KCTD19: variants seen among roughly 807,000 people sequenced by gnomAD.
KCTD19 encodes BTB/POZ domain-containing protein KCTD19.
In KCTD19, 67 loss-of-function variants were observed where a neutral mutation model predicts 103.5. The observed-to-expected ratio is 0.65, with a 90% CI of 0.53 to 0.79. The LOEUF (loss-of-function observed/expected upper bound fraction) is 0.79, where lower values mean the gene tolerates loss of function less well. Ranked by LOEUF, KCTD19 falls within the 30% of genes least tolerant of loss-of-function variation. The pLI, the probability that KCTD19 is intolerant of heterozygous loss-of-function variation, is 0.00. For synonymous variants in KCTD19, 439 were observed against 452.2 expected (o/e 0.97, Z 0.37); for missense variants, 980 against 1,136.1 (o/e 0.86, Z 1.98).
rs2037096812 is a variant in KCTD19 at position 67,323,417 on chromosome 16, GA to G, written c.4-2533del. Among the ~76,000 whole-genome samples, 1 of 152,218 alleles carries G rather than the reference GA, an allele frequency of 6.6e-6. No individual in the cohort carries two copies. Among genetic ancestry groups the G allele is most frequent in the Non-Finnish European group, 1.5e-5 (1 of 68,036 alleles). On this transcript the variant is annotated intron_variant, in intron 1 of 15. Coordinates refer to ENST00000304372, the MANE Select transcript of KCTD19 (RefSeq NM_001100915.3). This position sits in a 1 kb window ranked among gnomAD's most constrained non-coding sequence, Gnocchi z 4.1. ...TTGTGCTTGTAATCCCAGCACTTTG[GA>G]AGGCTGAGGCAGGAGATTCACTTGA...
In KCTD19 at chr16:67,293,770, C is replaced by T. The variant is rs552329466; in HGVS notation, c.1992G>A (p.Glu664=). Residue 664 remains glutamate, a synonymous_variant, in exon 12 of 16, where the codon GAG becomes GAA. Transcript: ENST00000304372. The surrounding 1 kb of genome is among the most constrained non-coding windows in gnomAD (Gnocchi z 4.0). Reference sequence around the variant, plus strand: ...CCAAGGGGAGCTGCAGGGTGGCCTCCTCCAAGGGGCTGCTCCGTGTGGCTG... The same window carrying T: ...CCAAGGGGAGCTGCAGGGTGGCCTCTTCCAAGGGGCTGCTCCGTGTGGCTG... ...PLTATRSSPL[E]EATLQLPLGS... The T allele has an allele frequency of 2.5e-5, 41 of 1,613,910 alleles. No individual in the cohort carries two copies. The South Asian group carries it at 4.1e-4, about 16-fold the overall frequency.
intron 2 of KCTD19, among the ~76,000 whole-genome samples, chr16:67,305,192 A>G (rs941017394): frequency 1.3e-5 from 2 of 151,982 alleles, no homozygotes; most frequent in Non-Finnish European, 2.9e-5. Context: ...TTCTGCTATC[A>G]TTTTCCTTCA....
chr16:67,314,830 T>TATAGAGAGAGAGAGAGAGAG (rs1430877802), intron 2 of KCTD19, among the ~76,000 whole-genome samples: 1 of 33,654 alleles, frequency 3.0e-5, no homozygotes, highest in African/African-American at 2.1e-4. Context: ...TATATATATA[T>TATAGAGAGAGAGAGAGAGAG]AGAGAGAGAG....
chr16:67,313,362 G>A (rs1159259874), intron 2 of KCTD19, among the ~76,000 whole-genome samples: 1 of 152,014 alleles, frequency 6.6e-6, no homozygotes, highest in Non-Finnish European at 1.5e-5. Flanking sequence ...TGCCCGCCTT[G>A]GCCTCCCAAA....
Position 67,295,415 on chromosome 16 carries a change from G to A in KCTD19, c.1249-10C>T. ...ACAGCAGTTCTGGATACTGGAGGGG[G>A]TTGGACACCGGACTCAGTCTCAGAG... On this transcript the variant is annotated splice_polypyrimidine_tract_variant and intron_variant, in intron 8 of 15. Coordinates refer to ENST00000304372, the MANE Select transcript of KCTD19 (RefSeq NM_001100915.3). The A allele has an allele frequency of 1.2e-6, 2 of 1,606,770 alleles. No individual in the cohort carries two copies. Among genetic ancestry groups the A allele is most frequent in the Non-Finnish European group, 8.5e-7 (1 of 1,174,830 alleles).
chr16:67,312,436 T>C (rs1228539612), intron 2 of KCTD19, among the ~76,000 whole-genome samples: 1 of 152,194 alleles, frequency 6.6e-6, no homozygotes, highest in Non-Finnish European at 1.5e-5. Context: ...GTATTTCCCC[T>C]ATAAACAATA....
rs1297765855 is a variant in KCTD19 at position 67,293,949 on chromosome 16, G to A, written c.1813C>T (p.Pro605Ser). Residue 605 changes from proline (P) to serine (S), a missense_variant, in exon 12 of 16, where the codon CCT becomes TCT. Pro to Ser is a moderately conservative substitution (Grantham distance 74). Transcript: ENST00000304372. This position sits in a 1 kb window ranked among gnomAD's most constrained non-coding sequence, Gnocchi z 4.0. ...CTNPGHWGSH[P>S]ESPPKKKCTT... Reference sequence around the variant, plus strand: ...CATTTCTTCTTTGGGGGGCTCTCAGGGTGGCTCCCCCAGTGTCCAGGATTG... The same window carrying A: ...CATTTCTTCTTTGGGGGGCTCTCAGAGTGGCTCCCCCAGTGTCCAGGATTG... 1 of 1,614,120 alleles carries A rather than the reference G, an allele frequency of 6.2e-7. No homozygotes were observed. Among genetic ancestry groups the A allele is most frequent in the Admixed American group, 1.7e-5 (1 of 60,010 alleles).
At chr16:67,325,191 C>CT (rs1567456732) in intron 1 of KCTD19, among the ~76,000 whole-genome samples, 6 of 128,140 alleles carry the variant, frequency 4.7e-5, no homozygotes, top group African/African-American at 9.0e-5. Context: ...TCTTTTTTTT[C>CT]TTTTTTTCTT....
chr16:67,318,669 T>C (rs1296004480), intron 2 of KCTD19, among the ~76,000 whole-genome samples: 1 of 152,096 alleles, frequency 6.6e-6, no homozygotes, highest in Non-Finnish European at 1.5e-5. Flanking sequence ...AATAGGCTTG[T>C]ATTCTTTAAC....
rs2036855221 is a variant in KCTD19, at chr16:67,303,164, T to C, written c.625A>G (p.Ser209Gly). 12 of 1,379,948 alleles carry C rather than the reference T, an allele frequency of 8.7e-6. No individual in the cohort carries two copies. The highest frequency in any genetic ancestry group is 1.2e-5 in the Non-Finnish European group (12 of 1,035,690). 85.5% of individuals were successfully genotyped at this position (1,379,948 alleles called of 1,614,324 possible). A position where few individuals can be genotyped will look rare whatever the true frequency, so the allele number is the denominator to read the frequency against. ...ETVALIECEC[S>G]EFRFIVNFLR... ...CAATCACCAATGAAGCGGAACTCGC[T>C]GCACTCGCACTCGATGAGGGCCACC... Residue 209 changes from serine (S) to glycine (G), a missense_variant, in exon 4 of 16, where the codon AGC becomes GGC. Transcript: ENST00000304372. The surrounding 1 kb of genome is among the most constrained non-coding windows in gnomAD (Gnocchi z 4.3).
chr16:67,308,974 T>A (rs1350197334), intron 2 of KCTD19, among the ~76,000 whole-genome samples: 1 of 151,138 alleles, frequency 6.6e-6, no homozygotes, highest in African/African-American at 2.4e-5. Context: ...CTCTACTAAA[T>A]ATACAAAAAA....
At chr16:67,295,761 T>C (rs1215807490) in intron 8 of KCTD19, 1 of 321,828 alleles carries the variant, frequency 3.1e-6, no homozygotes, top group Non-Finnish European at 5.9e-6. Context: ...GTTTTGTTTT[T>C]TGAGGCAGAG....
chr16:67,320,367 C>T lies in KCTD19; in HGVS notation c.300+222G>A, dbSNP rs914872811. Among the ~76,000 whole-genome samples, 2 of 151,810 alleles carry T rather than the reference C, an allele frequency of 1.3e-5. No individual in the cohort carries two copies. The highest frequency in any genetic ancestry group is 2.1e-4 in the South Asian group (1 of 4,818). ...TGTGATTGCAGCAGACACCCTGTCT[C>T]GAAAAAACAAAAGCAGGTAATTTCA... On this transcript the variant is annotated intron_variant, in intron 2 of 15. Coordinates refer to ENST00000304372, the MANE Select transcript of KCTD19 (RefSeq NM_001100915.3). The surrounding 1 kb of genome is among the most constrained non-coding windows in gnomAD (Gnocchi z 4.0).
At chr16:67,325,207 C>CTTTTTTTTTTTTTTTTTTT (rs10695930) in intron 1 of KCTD19, among the ~76,000 whole-genome samples, 2 of 113,172 alleles carry the variant, frequency 1.8e-5, no homozygotes, top group Admixed American at 8.8e-5. Context: ...TTCTTTTTTT[C>CTTTTTTTTTTTTTTTTTTT]TTTTTTTTTT....
intron 5 of KCTD19, 51 bp from the exon 6 acceptor site, chr16:67,299,624 G>T: frequency 6.6e-7 from 1 of 1,524,580 alleles, no homozygotes; most frequent in Non-Finnish European, 9.0e-7. Flanking sequence ...GTCATAGCTG[G>T]ATTGGAGGCT....
chr16:67,290,368 C>G (rs962594858), intron 15 of KCTD19, among the ~76,000 whole-genome samples: 1 of 151,800 alleles, frequency 6.6e-6, no homozygotes, highest in Non-Finnish European at 1.5e-5. Context: ...TCAGTAGAGA[C>G]GGGGTTTCAC....
In KCTD19 at chr16:67,303,262, A is replaced by C. The variant is rs1278797429; in HGVS notation, c.527T>G (p.Phe176Cys). ...LDTEEEVHYC[F>C]LPLDLVAKYP... ...TTTGGCCACCAGGTCTAGGGGCAGG[A>C]AGCAGTAGTGCACCTCCTCTTCTGT... Residue 176 changes from phenylalanine (F) to cysteine (C), a missense_variant, in exon 4 of 16, where the codon TTC becomes TGC. Physicochemically the swap from Phe to Cys is radical, Grantham distance 205 (BLOSUM62 -2). Coordinates refer to ENST00000304372, the MANE Select transcript of KCTD19 (RefSeq NM_001100915.3). The surrounding 1 kb of genome is among the most constrained non-coding windows in gnomAD (Gnocchi z 4.3). The C allele has an allele frequency of 1.2e-6, 2 of 1,614,146 alleles. No homozygotes were observed. Among genetic ancestry groups the C allele is most frequent in the Non-Finnish European group, 1.7e-6 (2 of 1,180,010 alleles).
intron 1 of KCTD19, among the ~76,000 whole-genome samples, chr16:67,326,312 A>C (rs914071827): frequency 1.1e-4 from 17 of 151,674 alleles, no homozygotes; most frequent in Admixed American, 2.0e-4. Flanking sequence ...CCAACCTTTC[A>C]GATCTGGAGC....
intron 2 of KCTD19, among the ~76,000 whole-genome samples, chr16:67,314,830 T>TATATATAGAGAGAGAGAG (rs1430877802): frequency 8.9e-5 from 3 of 33,650 alleles, no homozygotes; most frequent in African/African-American, 6.4e-4. Flanking sequence ...TATATATATA[T>TATATATAGAGAGAGAGAG]AGAGAGAGAG....
Sources: gnomAD v4.1 joint callset for allele counts (sites outside exome capture counted in the v4.1 genomes callset) on GRCh38, gnomAD v4.1.1 for gene constraint, Gnocchi (gnomAD v3.1) non-coding constraint, MANE v1.5 for transcripts, NCBI Gene and HGNC (gene_info 2026-07-23, HGNC 2026-07-21) for gene names.